SPTLC3: variants seen among roughly 807,000 people sequenced by gnomAD.
The protein encoded by SPTLC3 is serine palmitoyltransferase 3.
A neutral mutation model predicts 59.3 loss-of-function variants in SPTLC3; 36 were observed. That is an observed-to-expected ratio of 0.61 (90% CI 0.47 to 0.80). The LOEUF (loss-of-function observed/expected upper bound fraction) is 0.80. SPTLC3 is among the 30% of genes least tolerant of loss of function. The pLI, the probability that SPTLC3 is intolerant of heterozygous loss-of-function variation, is 0.00. For synonymous variants in SPTLC3, 257 were observed against 240.8 expected (o/e 1.07, Z -0.62); for missense variants, 625 against 685.1 (o/e 0.91, Z 0.98).
chr20:13,106,752 G>C (rs190554902), intron 6 of SPTLC3, among the ~76,000 whole-genome samples: 5 of 152,324 alleles, frequency 3.3e-5, no homozygotes, highest in African/African-American at 4.8e-5. Context: ...GCCAACCTGA[G>C]ACCAGGGGGC....
At chr20:13,128,971 G>A (rs1469865053) in intron 9 of SPTLC3, among the ~76,000 whole-genome samples, 4 of 151,554 alleles carry the variant, frequency 2.6e-5, no homozygotes, top group Admixed American at 2.0e-4. Context: ...CCGCCTCCTG[G>A]GTTCAAGCAA....
chr20:13,080,510 C>CAAAA (rs1988803803), intron 4 of SPTLC3, among the ~76,000 whole-genome samples: 1 of 30,978 alleles, frequency 3.2e-5, no homozygotes, highest in Non-Finnish European at 6.3e-5. Flanking sequence ...CCATCCATCT[C>CAAAA]CAAAAAAAAA....
intron 6 of SPTLC3, among the ~76,000 whole-genome samples, chr20:13,103,422 T>C (rs1056684570): frequency 6.6e-6 from 1 of 152,136 alleles, no homozygotes; most frequent in Non-Finnish European, 1.5e-5. Context: ...GGAGTGGATA[T>C]AGAGATGGGG....
rs968139364 is a variant in SPTLC3 at position 13,069,627 on chromosome 20, C to T, written c.304-2629C>T. On this transcript the variant is annotated intron_variant, in intron 2 of 11. Coordinates refer to ENST00000399002, the MANE Select transcript of SPTLC3 (RefSeq NM_018327.4). ...TAATGCTCGCTCACCCGCTGCTCAC[C>T]TCCTGCTGTGTGGCCTGGTTCCTAA... Among the ~76,000 whole-genome samples, 4 of 152,156 alleles carry T rather than the reference C, an allele frequency of 2.6e-5. No individual in the cohort carries two copies. The South Asian group carries it at 8.3e-4, about 32-fold the overall frequency.
chr20:13,009,289 G>C lies in SPTLC3; in HGVS notation c.22G>C (p.Ala8Pro), dbSNP rs955652241. 6.2e-7 allele frequency: 1 copy of C among 1,614,068 alleles called. No individual in the cohort carries two copies. The highest frequency in any genetic ancestry group is 8.5e-7 in the Non-Finnish European group (1 of 1,179,966). Residue 8 changes from alanine to proline, a missense_variant, in exon 1 of 12, where the codon GCT (alanine) becomes CCT (proline). Ala to Pro is a conservative substitution (Grantham distance 27). Coordinates refer to ENST00000399002, the MANE Select transcript of SPTLC3 (RefSeq NM_018327.4). ...ACCCATGGCTAACCCTGGAGGTGGTGCTGTTTGCAACGGGAAACTTCACAA... is the reference window on the plus strand; with the variant it reads ...ACCCATGGCTAACCCTGGAGGTGGTCCTGTTTGCAACGGGAAACTTCACAA... MANPGGGAVCNGKLHNHK... is the reference protein window; with the variant it reads MANPGGGPVCNGKLHNHK...
chr20:13,013,827 C>T (rs1290515050), intron 1 of SPTLC3, among the ~76,000 whole-genome samples: 1 of 152,198 alleles, frequency 6.6e-6, no homozygotes, highest in Admixed American at 6.5e-5. Flanking sequence ...GAAACAATAA[C>T]TATTGGATTG....
Position 13,117,525 on chromosome 20 carries a change from C to T in SPTLC3, c.952C>T (p.His318Tyr), listed in dbSNP as rs1990628673. 16 of 1,597,782 alleles carry T rather than the reference C, an allele frequency of 1.0e-5. No individual in the cohort carries two copies. The highest frequency in any genetic ancestry group is 2.7e-5 in the African/African-American group (2 of 74,138). ...GVYSMEGSIV[H>Y]LPQIIALKKK... ...CCCTAGCATGGAAGGTTCCATCGTGCATCTGCCCCAGATCATAGCTCTAAA... is the reference window on the plus strand; with the variant it reads ...CCCTAGCATGGAAGGTTCCATCGTGTATCTGCCCCAGATCATAGCTCTAAA... The change falls in exon 8 of 12, where the codon CAT (histidine) becomes TAT (tyrosine). Residue 318 changes from histidine (H) to tyrosine (Y), a missense_variant. Transcript: ENST00000399002.
At chr20:13,012,007 T>C (rs1179377360) in intron 1 of SPTLC3, among the ~76,000 whole-genome samples, 1 of 152,192 alleles carries the variant, frequency 6.6e-6, no homozygotes, top group Non-Finnish European at 1.5e-5. Flanking sequence ...GAATTTCCTA[T>C]TCCTTACTTA....
At chr20:13,102,212 T>C (rs1157303241) in intron 6 of SPTLC3, among the ~76,000 whole-genome samples, 2 of 152,180 alleles carry the variant, frequency 1.3e-5, no homozygotes, top group African/African-American at 4.8e-5. Flanking sequence ...TCTTTTATAT[T>C]TCAATGTCCA....
chr20:13,049,301 AC>A (rs758924240), intron 2 of SPTLC3, 171 bp downstream of exon 2: 1 of 697,172 alleles, frequency 1.4e-6, no homozygotes, highest in East Asian at 2.9e-5. Flanking sequence ...GGGCTTATGG[AC>A]CTGTTTTTAC....
Position 13,117,619 on chromosome 20 carries a change from G to C in SPTLC3, c.1046G>C (p.Arg349Pro), listed in dbSNP as rs758525525. Reference sequence around the variant, plus strand: ...ATTGGGGCCGTGGGCCCAACCGGCCGGGGTGTCACGGAGTTCTTTGGACTA... The same window carrying C: ...ATTGGGGCCGTGGGCCCAACCGGCCCGGGTGTCACGGAGTTCTTTGGACTA... Reference protein sequence around the residue: ...HSIGAVGPTGRGVTEFFGLDP... With the variant: ...HSIGAVGPTGPGVTEFFGLDP... Residue 349 changes from arginine (R) to proline (P), a missense_variant, in exon 8 of 12, where the codon CGG becomes CCG. By Grantham distance (103) the Arg-to-Pro change is moderately radical (BLOSUM62 -2). Transcript: ENST00000399002. 2 of 1,613,944 alleles carry C rather than the reference G, an allele frequency of 1.2e-6. No individual in the cohort carries two copies. The highest frequency in any genetic ancestry group is 1.7e-5 in the Admixed American group (1 of 59,994).
chr20:13,049,060 A>G lies in SPTLC3; in HGVS notation c.233A>G (p.Tyr78Cys). Reference sequence around the variant, plus strand: ...TATGGAATTGGAACCCTGTTTGGCTATCTCAGAGACTTTTTAAGAAACTGG... The same window carrying G: ...TATGGAATTGGAACCCTGTTTGGCTGTCTCAGAGACTTTTTAAGAAACTGG... Reference protein sequence around the residue: ...MGYGIGTLFGYLRDFLRNWGI... With the variant: ...MGYGIGTLFGCLRDFLRNWGI... The change falls in exon 2 of 12, where the codon TAT becomes TGT. Residue 78 changes from tyrosine (Y) to cysteine (C), a missense_variant. Transcript: ENST00000399002. The G allele has an allele frequency of 1.2e-6, 2 of 1,613,920 alleles. No homozygotes were observed. Among genetic ancestry groups the G allele is most frequent in the Non-Finnish European group, 1.7e-6 (2 of 1,179,898 alleles).
At chr20:13,144,481 G>C (rs1322635260) in intron 9 of SPTLC3, among the ~76,000 whole-genome samples, 1 of 152,224 alleles carries the variant, frequency 6.6e-6, no homozygotes, top group Non-Finnish European at 1.5e-5. Flanking sequence ...GAGATGATGA[G>C]TGACTTGCTC....
intron 9 of SPTLC3, among the ~76,000 whole-genome samples, chr20:13,140,273 G>T (rs1463231829): frequency 6.6e-6 from 1 of 152,106 alleles, no homozygotes; most frequent in Non-Finnish European, 1.5e-5. Flanking sequence ...GAACTGATTA[G>T]GCTAATTCTT....
rs757313209 is a variant in SPTLC3, at chr20:13,110,165, CG to C, written c.881del (p.Arg294GlnfsTer30). The C allele has an allele frequency of 1.2e-6, 2 of 1,613,578 alleles. No homozygotes were observed. The highest frequency in any genetic ancestry group is 4.5e-5 in the East Asian group (2 of 44,834). The part of the protein sequence containing the change: ...LRDAVIYGQP[R>X]TRRAWKKILI... ...AGATGCTGTCATCTATGGCCAGCCTCGAACCCGCAGAGCTTGGAAAAAGATT... is the reference window on the plus strand; with the variant it reads ...AGATGCTGTCATCTATGGCCAGCCTCAACCCGCAGAGCTTGGAAAAAGATT... On this transcript the variant is annotated frameshift_variant, in exon 7 of 12. Transcript: ENST00000399002. LOFTEE classifies it high-confidence loss of function.
intron 8 of SPTLC3, among the ~76,000 whole-genome samples, chr20:13,125,139 A>G (rs2037958349): frequency 6.6e-6 from 1 of 152,150 alleles, no homozygotes; most frequent in Non-Finnish European, 1.5e-5. Context: ...CACCCAACTG[A>G]GCACCTGCAG....
intron 7 of SPTLC3, among the ~76,000 whole-genome samples, chr20:13,116,967 G>A (rs1481316959): frequency 6.6e-6 from 1 of 152,180 alleles, no homozygotes; most frequent in Non-Finnish European, 1.5e-5. Flanking sequence ...CTTGAAGTGG[G>A]TATTGAACAA....
rs1296430446 is a variant in SPTLC3 at position 13,167,239 on chromosome 20, A to AAT, written c.*2373_*2374insTA. The AAT allele has an allele frequency of 1.3e-5, 2 of 152,030 alleles. No individual in the cohort carries two copies. Among genetic ancestry groups the AAT allele is most frequent in the South Asian group, 2.1e-4 (1 of 4,814 alleles). The allele number at this position is 152,030 out of a possible 1,614,324, so 9.4% of individuals were successfully genotyped here. On this transcript the variant is annotated 3_prime_UTR_variant, in exon 12 of 12. Transcript: ENST00000399002. ...AAAAGCTCTCAAATGCTAGGCTAAT[A>AAT]AGTTCATGATTTTAATTCATGATTT...
chr20:13,118,229 G>A (rs764667205), intron 8 of SPTLC3, among the ~76,000 whole-genome samples: 2 of 152,074 alleles, frequency 1.3e-5, no homozygotes, highest in Non-Finnish European at 2.9e-5. Context: ...CAAGTTGTGG[G>A]TTTTAAGAGT....
Sources: gnomAD v4.1 joint callset for allele counts (sites outside exome capture counted in the v4.1 genomes callset) on GRCh38, gnomAD v4.1.1 for gene constraint, MANE v1.5 for transcripts, NCBI Gene and HGNC (gene_info 2026-07-23, HGNC 2026-07-21) for gene names.